Variants in SLC12A7 observed in about 807,000 individuals in gnomAD.
SLC12A7 encodes solute carrier family 12 member 7.
In SLC12A7, 100 loss-of-function variants were observed where a neutral mutation model predicts 120.6. The ratio of observed to expected loss-of-function variants is 0.83; its 90% CI spans 0.71 to 0.98. SLC12A7 has a LOEUF of 0.98. SLC12A7 is among the 50% of genes least tolerant of loss of function. The pLI is 0.00. For synonymous variants in SLC12A7, 760 were observed against 678.0 expected (o/e 1.12, Z -1.88); for missense variants, 1,373 against 1,548.1 (o/e 0.89, Z 1.90).
intron 22 of SLC12A7, among the ~76,000 whole-genome samples, chr5:1,056,037 G>A (rs1004672885): frequency 1.8e-4 from 28 of 152,142 alleles, no homozygotes; most frequent in African/African-American, 6.3e-4. Flanking sequence ...CGGCATCGAG[G>A]ACTCCCAGGG....
At chr5:1,144,808 C>G in the SLC12A7 span, among the ~76,000 whole-genome samples, 1 of 152,252 alleles carries the variant, frequency 6.6e-6, no homozygotes, top group Non-Finnish European at 1.5e-5. Flanking sequence ...AAATGCCCGT[C>G]TGAATAAACA....
At chr5:1,121,356 G>A in the SLC12A7 span, among the ~76,000 whole-genome samples, 4 of 152,242 alleles carry the variant, frequency 2.6e-5, no homozygotes. Flanking sequence ...GGAGGGCTGT[G>A]CCCCTGAGGC....
At position 1,075,420 on chromosome 5, in the gene SLC12A7, A is replaced by C. The variant is rs375831591; in HGVS notation, c.1918T>G (p.Ser640Ala). 6 of 1,612,434 alleles carry C rather than the reference A, an allele frequency of 3.7e-6. No individual in the cohort carries two copies. The African/African-American group carries it at 8.0e-5, about 22-fold the overall frequency. The change falls in exon 15 of 24, where the codon TCC (serine) becomes GCC (alanine). Residue 640 changes from serine (S) to alanine (A), a missense_variant. Transcript: ENST00000264930. ...MFICSWYYAL[S>A]AMLIAGCIYK... ...ATGCAGCCAGCGATGAGCATGGCGG[A>C]CAGCGCGTAGTACCAGGAGCAGATG... is the stretch of plus-strand genomic sequence containing the variant.
the SLC12A7 span, among the ~76,000 whole-genome samples, chr5:1,138,428 T>C: frequency 6.6e-6 from 1 of 152,218 alleles, no homozygotes; most frequent in African/African-American, 2.4e-5. Context: ...CACACAGAGC[T>C]GCTCATTGGT....
At position 1,073,297 on chromosome 5, in the gene SLC12A7, T is replaced by C. The variant is rs548323414; in HGVS notation, c.2241+336A>G. Among the ~76,000 whole-genome samples the C allele has an allele frequency of 3.0e-4, 45 of 148,374 alleles. 3 individuals carry two copies. The highest frequency in any genetic ancestry group is 1.1e-3 in the South Asian group (5 of 4,706). On this transcript the variant is annotated intron_variant, in intron 17 of 23. Transcript: ENST00000264930. ...CCCCAGCACACGGGCATCACACTTA[T>C]GCAGCCCCCAGTGAGCCTGAACAGC...
the SLC12A7 span, among the ~76,000 whole-genome samples, chr5:1,140,339 G>A: frequency 5.9e-5 from 9 of 152,176 alleles, no homozygotes; most frequent in Non-Finnish European, 1.3e-4. Flanking sequence ...AATCCTGACC[G>A]CCAATCTGCA....
upstream of SLC12A7, among the ~76,000 whole-genome samples, chr5:1,114,874 C>T (rs918952414): frequency 1.1e-4 from 16 of 152,278 alleles, no homozygotes; most frequent in Non-Finnish European, 2.2e-4. Flanking sequence ...TTTTCCAGTG[C>T]GTGGTGGCTT....
At chr5:1,151,682 G>A in the SLC12A7 span, among the ~76,000 whole-genome samples, 1 of 149,048 alleles carries the variant, frequency 6.7e-6, no homozygotes, top group African/African-American at 2.4e-5. This position sits in a 1 kb window ranked among gnomAD's most constrained non-coding sequence, Gnocchi z 6.2. Flanking sequence ...ATCCTCTAGA[G>A]CAGGCTCAGT....
chr5:1,140,384 T>C, the SLC12A7 span, among the ~76,000 whole-genome samples: 2 of 152,116 alleles, frequency 1.3e-5, no homozygotes, highest in African/African-American at 4.8e-5. Context: ...TCTCCCTCGG[T>C]TCTGTTCCCC....
chr5:1,109,092 C>A (rs979176533), intron 1 of SLC12A7, among the ~76,000 whole-genome samples: 1 of 152,170 alleles, frequency 6.6e-6, no homozygotes, highest in African/African-American at 2.4e-5. Context: ...GCCCAGGGAG[C>A]CCCAGACGAG....
chr5:1,073,819 C>T lies in SLC12A7; in HGVS notation c.2073-18G>A, dbSNP rs201940370. 2,783 of 1,394,464 alleles carry T rather than the reference C, an allele frequency of 2.0e-3. 2 individuals carry two copies. Among genetic ancestry groups the T allele is most frequent in the Non-Finnish European group, 2.5e-3 (2,632 of 1,065,858 alleles). 86.4% of individuals were successfully genotyped at this position (1,394,464 alleles called of 1,614,324 possible). ...CCTGGGGCCTGCAGCCAGGGTGGGG[C>T]GGCTGTTACCACGGCAACGCTTACC... On this transcript the variant is annotated intron_variant, in intron 16 of 23. Transcript: ENST00000264930.
At chr5:1,117,314 C>T in the SLC12A7 span, among the ~76,000 whole-genome samples, 6 of 152,194 alleles carry the variant, frequency 3.9e-5, no homozygotes, top group African/African-American at 9.7e-5. The surrounding 1 kb of genome is among the most constrained non-coding windows in gnomAD (Gnocchi z 4.5). Context: ...AAATTATCAC[C>T]GTTGGTGGAA....
Position 1,057,595 on chromosome 5 carries a change from T to A in SLC12A7, c.2902A>T (p.Thr968Ser). ...TTGTCTGGCGTAGGCGGCGCTTGGG[T>A]CCTGGCTGCCGCCGCGGTGTGGGAC... is the stretch of plus-strand genomic sequence containing the variant. ...TASHTAAAAR[T>S]QAPPTPDKVQ... The change falls in exon 22 of 24, where the codon ACC becomes TCC. Residue 968 changes from threonine (T) to serine (S), a missense_variant. Transcript: ENST00000264930. 6.2e-7 allele frequency: 1 copy of A among 1,610,088 alleles called. No individual in the cohort carries two copies. Among genetic ancestry groups the A allele is most frequent in the Admixed American group, 1.7e-5 (1 of 59,992 alleles).
Position 1,057,658 on chromosome 5 carries a change from C to A in SLC12A7, c.2848-9G>T. Reference sequence around the variant, plus strand: ...TCGTGGATCAGCTGGGCCTGGCGGGCCCGGGACTTGGTGAGACCAGCCGGT... The same window carrying A: ...TCGTGGATCAGCTGGGCCTGGCGGGACCGGGACTTGGTGAGACCAGCCGGT... On this transcript the variant is annotated splice_polypyrimidine_tract_variant and intron_variant, in intron 21 of 23. Coordinates refer to ENST00000264930, the MANE Select transcript of SLC12A7 (RefSeq NM_006598.3). 1 of 1,591,502 alleles carries A rather than the reference C, an allele frequency of 6.3e-7. No individual in the cohort carries two copies. Among genetic ancestry groups the A allele is most frequent in the Non-Finnish European group, 8.5e-7 (1 of 1,176,288 alleles).
At chr5:1,073,223 A>G (rs1737871316) in intron 17 of SLC12A7, among the ~76,000 whole-genome samples, 1 of 31,018 alleles carries the variant, frequency 3.2e-5, no homozygotes, top group Non-Finnish European at 5.2e-5. Flanking sequence ...TGCAGCCCCC[A>G]GTGAGCCCCC....
chr5:1,062,068 T>C (rs1304857880), intron 20 of SLC12A7, among the ~76,000 whole-genome samples: 1 of 152,170 alleles, frequency 6.6e-6, no homozygotes, highest in African/African-American at 2.4e-5. Flanking sequence ...GCCAGAGACA[T>C]GGCTGGGAGC....
At position 1,078,697 on chromosome 5, in the gene SLC12A7, G is replaced by A. The variant is rs369039395; in HGVS notation, c.1454+4C>T. On this transcript the variant is annotated splice_donor_region_variant and intron_variant, in intron 11 of 23. Coordinates refer to ENST00000264930, the MANE Select transcript of SLC12A7 (RefSeq NM_006598.3). ...TTGCACGAAAACTGCAGGTGGAAAC[G>A]TACTTATCTCGTAAGACCACGCCTT... is the stretch of plus-strand genomic sequence containing the variant. 4.2e-5 allele frequency: 68 copies of A among 1,610,880 alleles called. No homozygotes were observed. The highest frequency in any genetic ancestry group is 6.7e-5 in the African/African-American group (5 of 74,770).
the SLC12A7 span, among the ~76,000 whole-genome samples, chr5:1,133,697 G>A: frequency 6.6e-6 from 1 of 152,188 alleles, no homozygotes; most frequent in African/African-American, 2.4e-5. Flanking sequence ...CCCTCGGTGA[G>A]AACTTCCTCT....
At chr5:1,140,246 A>AT in the SLC12A7 span, among the ~76,000 whole-genome samples, 1 of 152,196 alleles carries the variant, frequency 6.6e-6, no homozygotes, top group South Asian at 2.1e-4. Context: ...ACCCAGGCAG[A>AT]TCCCCCTCCT....
Sources: allele counts gnomAD v4.1 joint callset (sites outside exome capture counted in the v4.1 genomes callset), GRCh38; gene constraint gnomAD v4.1.1; non-coding constraint Gnocchi (gnomAD v3.1); transcripts MANE v1.5; gene names NCBI Gene and HGNC (gene_info 2026-07-23, HGNC 2026-07-21).